Variants in AFF3 observed in about 807,000 individuals in gnomAD.
The protein encoded by AFF3 is ALF transcription elongation factor 3, also known as AF4/FMR2 family member 3.
In AFF3, 32 loss-of-function variants were observed where a neutral mutation model predicts 129.7. The observed-to-expected ratio is 0.25, with a 90% CI of 0.19 to 0.33. AFF3 has a LOEUF of 0.33. Among genes scored for constraint, AFF3 ranks in the 10% least tolerant of loss-of-function variants. AFF3 has a pLI of 1.00. For synonymous variants in AFF3, 644 were observed against 635.4 expected (o/e 1.01, Z -0.20); for missense variants, 1,373 against 1,592.0 (o/e 0.86, Z 2.34).
chr2:100,020,910 G>C (rs1683537569), intron 4 of AFF3, among the ~76,000 whole-genome samples: 2 of 152,156 alleles, frequency 1.3e-5, no homozygotes, highest in African/African-American at 4.8e-5. Context: ...CTTTAAAAAA[G>C]AGCAGTTTGG....
At chr2:99,948,049 G>C (rs1441889085) in intron 7 of AFF3, among the ~76,000 whole-genome samples, 15 of 152,148 alleles carry the variant, frequency 9.9e-5, no homozygotes, top group Admixed American at 7.9e-4. Context: ...TGTGACAATT[G>C]TATTTAAAAG....
chr2:99,860,069 T>G (rs945737775), intron 7 of AFF3, among the ~76,000 whole-genome samples: 5 of 152,234 alleles, frequency 3.3e-5, no homozygotes, highest in African/African-American at 1.2e-4. Context: ...TTCCTCAAAG[T>G]GTTGTCCTTG....
chr2:99,779,303 T>G (rs1310857983), intron 8 of AFF3, among the ~76,000 whole-genome samples: 1 of 152,202 alleles, frequency 6.6e-6, no homozygotes, highest in African/African-American at 2.4e-5. Flanking sequence ...GCTGTTATCA[T>G]TTATTTATAG....
At chr2:99,867,274 G>A (rs563212140) in intron 7 of AFF3, among the ~76,000 whole-genome samples, 20 of 152,090 alleles carry the variant, frequency 1.3e-4, no homozygotes, top group Non-Finnish European at 2.6e-4. Context: ...CATTTGCTTC[G>A]AAGGATCCTT....
chr2:99,819,426 G>A (rs745863703), intron 8 of AFF3, among the ~76,000 whole-genome samples: 3 of 152,116 alleles, frequency 2.0e-5, no homozygotes, highest in Non-Finnish European at 2.9e-5. Context: ...AAAGCTCGTC[G>A]CTAATGAATC....
intron 4 of AFF3, among the ~76,000 whole-genome samples, chr2:100,069,865 C>A (rs1398799235): frequency 1.3e-5 from 2 of 152,144 alleles, no homozygotes; most frequent in African/African-American, 2.4e-5. Flanking sequence ...AAACTCCTCA[C>A]TCAAAAAAGT....
At chr2:99,946,102 G>T (rs927854408) in intron 7 of AFF3, among the ~76,000 whole-genome samples, 1 of 152,014 alleles carries the variant, frequency 6.6e-6, no homozygotes, top group Non-Finnish European at 1.5e-5. Context: ...TCCTCCCCTG[G>T]GTTCTACCAG....
chr2:99,869,234 A>T (rs1445876623), intron 7 of AFF3, among the ~76,000 whole-genome samples: 1 of 152,202 alleles, frequency 6.6e-6, no homozygotes, highest in East Asian at 1.9e-4. Context: ...GAAGCGGTAA[A>T]CTACAAGAAA....
chr2:99,965,740 T>A lies in AFF3; in HGVS notation c.873+40892A>T, dbSNP rs117063360. On this transcript the variant is annotated intron_variant, in intron 7 of 24. Coordinates refer to ENST00000672756, the MANE Select transcript of AFF3 (RefSeq NM_001386135.1). ...CCTTCTGAGCCCAAGGCCCAGCCTATGGGCTGTGAGAAATTCACCACTGAA... is the reference window on the plus strand; with the variant it reads ...CCTTCTGAGCCCAAGGCCCAGCCTAAGGGCTGTGAGAAATTCACCACTGAA... 1.3e-4 allele frequency among the ~76,000 whole-genome samples: 20 copies of A among 152,288 alleles called. No homozygotes were observed. The East Asian group carries it at 3.9e-3, about 29-fold the overall frequency.
chr2:99,635,124 AGG>A (rs1683518009), intron 13 of AFF3, among the ~76,000 whole-genome samples: 1 of 150,984 alleles, frequency 6.6e-6, no homozygotes, highest in African/African-American at 2.4e-5. Flanking sequence ...ACATATCTCT[AGG>A]TATATGATAT....
chr2:99,932,661 C>T (rs1490036422), intron 7 of AFF3, among the ~76,000 whole-genome samples: 1 of 152,192 alleles, frequency 6.6e-6, no homozygotes, highest in African/African-American at 2.4e-5. Flanking sequence ...CATCTCTGTC[C>T]AGCTAAACTG....
chr2:99,964,994 C>A (rs1677600855), intron 7 of AFF3, among the ~76,000 whole-genome samples: 1 of 152,134 alleles, frequency 6.6e-6, no homozygotes, highest in Non-Finnish European at 1.5e-5. Flanking sequence ...ACTCAGCCAT[C>A]AATGTTTAAG....
intron 7 of AFF3, among the ~76,000 whole-genome samples, chr2:99,942,389 T>C (rs1287364521): frequency 6.6e-6 from 1 of 151,346 alleles, no homozygotes; most frequent in Non-Finnish European, 1.5e-5. Context: ...ACAAGAAAAA[T>C]AATAAAGAAG....
chr2:100,110,353 G>A (rs924753784), intron 2 of AFF3: 3 of 152,254 alleles, frequency 2.0e-5, no homozygotes, highest in East Asian at 1.9e-4. Flanking sequence ...ATTAGCAGAC[G>A]GCAAGAGGAA....
chr2:99,748,552 C>A (rs1188496817), intron 9 of AFF3, among the ~76,000 whole-genome samples: 2 of 152,150 alleles, frequency 1.3e-5, no homozygotes, highest in African/African-American at 4.8e-5. Context: ...CTGATCCCCT[C>A]CCCCTGGAAT....
chr2:99,589,397 A>ATTTTTTTTTTTT (rs55888825), intron 15 of AFF3, among the ~76,000 whole-genome samples: 1 of 103,384 alleles, frequency 9.7e-6, no homozygotes. Flanking sequence ...AGATGTCAAC[A>ATTTTTTTTTTTT]TTTTTTTTTT....
intron 13 of AFF3, among the ~76,000 whole-genome samples, chr2:99,608,973 A>G (rs1218382544): frequency 1.3e-5 from 2 of 152,188 alleles, no homozygotes; most frequent in East Asian, 3.8e-4. Flanking sequence ...TCAATATAAA[A>G]TAGAAAAATA....
chr2:99,568,692 T>C (rs1036256694), intron 19 of AFF3, among the ~76,000 whole-genome samples, 160 bp downstream of exon 19: 1 of 152,202 alleles, frequency 6.6e-6, no homozygotes, highest in Non-Finnish European at 1.5e-5. Flanking sequence ...TCATACTTTA[T>C]TGGGCTATGA....
At chr2:99,571,821 CA>C (rs1030940457) in intron 18 of AFF3, among the ~76,000 whole-genome samples, 4 of 152,192 alleles carry the variant, frequency 2.6e-5, no homozygotes, top group African/African-American at 9.7e-5. Context: ...ACCCAGTGTC[CA>C]GCCTTGCCAC....
Sources: allele counts gnomAD v4.1 joint callset (sites outside exome capture counted in the v4.1 genomes callset), GRCh38; gene constraint gnomAD v4.1.1; transcripts MANE v1.5; gene names NCBI Gene and HGNC (gene_info 2026-07-23, HGNC 2026-07-21).